Variants in NKAIN2 observed in about 807,000 individuals in gnomAD.
The protein encoded by NKAIN2 is sodium/potassium transporting ATPase interacting 2.
A neutral mutation model predicts 32.6 loss-of-function variants in NKAIN2; 14 were observed. The observed-to-expected ratio is 0.43, with a 90% confidence interval of 0.28 to 0.67. The LOEUF (loss-of-function observed/expected upper bound fraction) is 0.67, where lower values mean the gene tolerates loss of function less well. NKAIN2 is among the 30% of genes least tolerant of loss of function. NKAIN2 has a pLI of 0.17. For synonymous variants in NKAIN2, 80 were observed against 87.2 expected (o/e 0.92, Z 0.46); for missense variants, 198 against 258.3 (o/e 0.77, Z 1.60).
chr6:124,420,059 A>G (rs1030953530), intron 3 of NKAIN2, among the ~76,000 whole-genome samples: 3 of 152,158 alleles, frequency 2.0e-5, no homozygotes, highest in African/African-American at 7.2e-5. Context: ...AGCCAGGGTG[A>G]GTTAAAGATC....
chr6:124,323,646 A>T (rs1306349363), intron 2 of NKAIN2, among the ~76,000 whole-genome samples: 1 of 151,996 alleles, frequency 6.6e-6, no homozygotes, highest in South Asian at 2.1e-4. Flanking sequence ...CCATTTTTCT[A>T]TATGTCAGTC....
intron 3 of NKAIN2, among the ~76,000 whole-genome samples, chr6:124,551,356 AT>A (rs1182002112): frequency 6.6e-6 from 1 of 152,148 alleles, no homozygotes; most frequent in East Asian, 1.9e-4. Flanking sequence ...GTAGAGCATT[AT>A]TTTGTGTTCC....
intron 3 of NKAIN2, among the ~76,000 whole-genome samples, chr6:124,405,968 C>G (rs1250402458): frequency 6.6e-6 from 1 of 151,314 alleles, no homozygotes; most frequent in Non-Finnish European, 1.5e-5. Context: ...TAGCTTGATG[C>G]AGTGTAAACC....
At chr6:124,743,064 C>T (rs1777291786) in intron 4 of NKAIN2, among the ~76,000 whole-genome samples, 1 of 151,880 alleles carries the variant, frequency 6.6e-6, no homozygotes, top group African/African-American at 2.4e-5. Context: ...AGGCCATCAA[C>T]TAAATGGACA....
At chr6:124,396,937 G>C (rs1449518634) in intron 3 of NKAIN2, among the ~76,000 whole-genome samples, 2 of 152,042 alleles carry the variant, frequency 1.3e-5, no homozygotes, top group Non-Finnish European at 2.9e-5. Flanking sequence ...CAGAACATTA[G>C]AACTTTATGA....
At chr6:124,161,915 C>T (rs1056153588) in intron 1 of NKAIN2, among the ~76,000 whole-genome samples, 4 of 151,888 alleles carry the variant, frequency 2.6e-5, no homozygotes, top group African/African-American at 7.3e-5. Flanking sequence ...TGTAACAAAC[C>T]TCCATGTACC....
chr6:124,460,114 C>T (rs137983269), intron 3 of NKAIN2, among the ~76,000 whole-genome samples: 318 of 151,772 alleles, frequency 2.1e-3, no homozygotes, highest in African/African-American at 7.3e-3. Context: ...CACTACATTA[C>T]TACAAAATAT....
intron 4 of NKAIN2, among the ~76,000 whole-genome samples, chr6:124,774,922 G>A (rs1778923061): frequency 6.7e-6 from 1 of 148,622 alleles, no homozygotes; most frequent in Non-Finnish European, 1.5e-5. Flanking sequence ...TTGGACAGTT[G>A]TTGTCCAAAG....
intron 1 of NKAIN2, among the ~76,000 whole-genome samples, chr6:123,960,968 A>G (rs1386560348): frequency 1.3e-5 from 2 of 152,008 alleles, no homozygotes. Context: ...ATGTTTCAAA[A>G]ATGAAAAAAA....
chr6:124,653,754 T>C (rs1461051384), intron 3 of NKAIN2, among the ~76,000 whole-genome samples: 3 of 152,134 alleles, frequency 2.0e-5, no homozygotes, highest in Non-Finnish European at 4.4e-5. Flanking sequence ...AAAAGACATA[T>C]ATGATAAAAG....
intron 1 of NKAIN2, among the ~76,000 whole-genome samples, chr6:123,928,034 T>C (rs1776083136): frequency 6.6e-6 from 1 of 152,144 alleles, no homozygotes; most frequent in Non-Finnish European, 1.5e-5. Context: ...GGGAAACTAG[T>C]GGTACATATA....
intron 3 of NKAIN2, among the ~76,000 whole-genome samples, chr6:124,422,081 A>G (rs1156571330): frequency 6.6e-6 from 1 of 152,164 alleles, no homozygotes; most frequent in Non-Finnish European, 1.5e-5. Flanking sequence ...AATGACAGAA[A>G]AAATAAAAGT....
chr6:123,816,757 A>G (rs1773709644), intron 1 of NKAIN2, among the ~76,000 whole-genome samples: 1 of 152,262 alleles, frequency 6.6e-6, no homozygotes, highest in African/African-American at 2.4e-5. Context: ...GTGAGACACT[A>G]GAAGAGGTGA....
At chr6:124,370,135 T>C (rs1426133166) in intron 3 of NKAIN2, among the ~76,000 whole-genome samples, 1 of 151,262 alleles carries the variant, frequency 6.6e-6, no homozygotes, top group Non-Finnish European at 1.5e-5. Flanking sequence ...TTTGGTTTAG[T>C]AGTTCAGTAC....
intron 4 of NKAIN2, among the ~76,000 whole-genome samples, chr6:124,761,963 T>C (rs571352169): frequency 6.6e-6 from 1 of 152,170 alleles, no homozygotes; most frequent in Non-Finnish European, 1.5e-5. Flanking sequence ...TATCCCTCTC[T>C]TTCTCCCTAG....
At chr6:124,192,741 GTTTTTTTTT>G (rs1205303294) in intron 1 of NKAIN2, among the ~76,000 whole-genome samples, 13 of 77,188 alleles carry the variant, frequency 1.7e-4, no homozygotes, top group Admixed American at 4.4e-4. Flanking sequence ...AGTTCCATCC[GTTTTTTTTT>G]TTTTTTTTTT....
intron 4 of NKAIN2, among the ~76,000 whole-genome samples, chr6:124,706,760 A>T (rs1775094325): frequency 6.6e-6 from 1 of 152,156 alleles, no homozygotes; most frequent in South Asian, 2.1e-4. Flanking sequence ...CTGGCATGTA[A>T]TGACTGTCCA....
At chr6:124,100,089 T>C (rs1784810257) in intron 1 of NKAIN2, among the ~76,000 whole-genome samples, 2 of 152,198 alleles carry the variant, frequency 1.3e-5, no homozygotes, top group African/African-American at 4.8e-5. Flanking sequence ...CATGTTAAAA[T>C]TGAACACAGT....
intron 3 of NKAIN2, among the ~76,000 whole-genome samples, chr6:124,632,011 C>A (rs377448558): frequency 1.3e-5 from 2 of 152,086 alleles, no homozygotes; most frequent in East Asian, 1.9e-4. Context: ...TTTATTATTT[C>A]TTCATTGAGG....
Sources: gnomAD v4.1 joint callset for allele counts (sites outside exome capture counted in the v4.1 genomes callset) on GRCh38, gnomAD v4.1.1 for gene constraint, MANE v1.5 for transcripts, NCBI Gene and HGNC (gene_info 2026-07-23, HGNC 2026-07-21) for gene names.